APPL2: variants seen among roughly 807,000 people sequenced by gnomAD.
The protein encoded by APPL2 is DCC-interacting protein 13-beta.
In APPL2, 84 loss-of-function variants were observed where a neutral mutation model predicts 92.7. That is an observed-to-expected ratio of 0.91 (90% CI 0.76 to 1.09). APPL2 has a LOEUF of 1.09. Ranked by LOEUF, APPL2 falls within the 50% of genes least tolerant of loss-of-function variation. APPL2 has a pLI of 0.00. For missense variants in APPL2, 736 were observed against 824.5 expected (o/e 0.89, Z 1.31); for synonymous variants, 291 against 291.0 (o/e 1.00, Z 0.00).
intron 2 of APPL2, among the ~76,000 whole-genome samples, chr12:105,225,508 T>G (rs769609121): frequency 2.7e-4 from 41 of 152,246 alleles, no homozygotes; most frequent in Non-Finnish European, 3.8e-4. Flanking sequence ...ATGCAAAATT[T>G]GAGAATTAAC....
Position 105,203,784 on chromosome 12 carries a change from A to G in APPL2, c.623T>C (p.Ile208Thr), listed in dbSNP as rs1888446446. 6.2e-7 allele frequency: 1 copy of G among 1,609,146 alleles called. No individual in the cohort carries two copies. The highest frequency in any genetic ancestry group is 1.1e-5 in the South Asian group (1 of 90,994). ...CTCTGCTCCCTTCTTAAAAAAGTTAATCTGAAAGATATAATTATAATATTC... is the reference window on the plus strand; with the variant it reads ...CTCTGCTCCCTTCTTAAAAAAGTTAGTCTGAAAGATATAATTATAATATTC... Reference protein sequence around the residue: ...EPMIGFAHGQINFFKKGAEMF... With the variant: ...EPMIGFAHGQTNFFKKGAEMF... Residue 208 changes from isoleucine to threonine, a missense_variant and splice_region_variant, in exon 9 of 21, where the codon ATT becomes ACT. Ile to Thr is a moderately conservative substitution (Grantham distance 89, BLOSUM62 -1). Coordinates refer to ENST00000258530, the MANE Select transcript of APPL2 (RefSeq NM_018171.5).
At chr12:105,186,218 T>C (rs1236127490) in intron 17 of APPL2, among the ~76,000 whole-genome samples, 1 of 152,158 alleles carries the variant, frequency 6.6e-6, no homozygotes, top group African/African-American at 2.4e-5. Flanking sequence ...TTTAGAATAC[T>C]TGCATTATAT....
At chr12:105,231,225 C>A (rs1413283989) in intron 1 of APPL2, among the ~76,000 whole-genome samples, 3 of 152,090 alleles carry the variant, frequency 2.0e-5, no homozygotes, top group Non-Finnish European at 4.4e-5. Flanking sequence ...ACTACTATGT[C>A]CATTTAGCCA....
chr12:105,227,719 C>T (rs746368698), intron 2 of APPL2, among the ~76,000 whole-genome samples: 5 of 152,162 alleles, frequency 3.3e-5, no homozygotes, highest in Non-Finnish European at 7.4e-5. Context: ...AGCTTGGCTC[C>T]AGCTGATTTG....
At position 105,212,279 on chromosome 12, in the gene APPL2, C is replaced by A. The variant is rs1207677539; in HGVS notation, c.286-962G>T. 2.0e-5 allele frequency among the ~76,000 whole-genome samples: 3 copies of A among 152,272 alleles called. No individual in the cohort carries two copies. In the East Asian group the frequency reaches 5.8e-4, roughly 29 times the overall value. On this transcript the variant is annotated intron_variant, in intron 4 of 20. Coordinates refer to ENST00000258530, the MANE Select transcript of APPL2 (RefSeq NM_018171.5). Reference sequence around the variant, plus strand: ...GCCCTTGACTCTTTCTCCCCTTCTACCTCAAGGACTGAGTAAATTCTATCT... The same window carrying A: ...GCCCTTGACTCTTTCTCCCCTTCTAACTCAAGGACTGAGTAAATTCTATCT...
At chr12:105,221,876 T>C (rs1221647914) in intron 2 of APPL2, among the ~76,000 whole-genome samples, 1 of 152,240 alleles carries the variant, frequency 6.6e-6, no homozygotes, top group African/African-American at 2.4e-5. Flanking sequence ...TTTATCTTTC[T>C]GTAGCACAGA....
intron 2 of APPL2, among the ~76,000 whole-genome samples, chr12:105,223,290 A>C (rs1325315766): frequency 6.6e-6 from 1 of 152,246 alleles, no homozygotes; most frequent in African/African-American, 2.4e-5. Context: ...TTTCGAATAA[A>C]GACCCAGAGT....
At chr12:105,177,348 C>A in intron 17 of APPL2, 86 bp from the exon 18 acceptor site, 1 of 1,386,704 alleles carries the variant, frequency 7.2e-7, no homozygotes, top group Non-Finnish European at 1.0e-6. Flanking sequence ...AGAATAAATA[C>A]AAATTCCCCG....
At chr12:105,198,722 G>A (rs1592786754) in intron 10 of APPL2, among the ~76,000 whole-genome samples, 1 of 152,186 alleles carries the variant, frequency 6.6e-6, no homozygotes, top group African/African-American at 2.4e-5. Flanking sequence ...TGCCTGGGAG[G>A]GATGACCACA....
intron 4 of APPL2, among the ~76,000 whole-genome samples, chr12:105,213,617 T>C (rs2136032132): frequency 6.6e-6 from 1 of 152,350 alleles, no homozygotes; most frequent in East Asian, 1.9e-4. Context: ...ACTTATAACA[T>C]GGAAGATCTC....
chr12:105,220,677 G>A (rs3751191), intron 2 of APPL2, among the ~76,000 whole-genome samples: 10,090 of 152,226 alleles, frequency 0.066, 400 homozygotes, highest in East Asian at 0.14. Context: ...GGCCACTCAA[G>A]TTCTTCCTCA....
In APPL2 at chr12:105,199,360, G is replaced by C; in HGVS notation, c.863+13C>G. ...CGGATTTCAGAAAAAGAGGCAGACG[G>C]TGGCGTTCTCACTTTCTAAGATTAA... On this transcript the variant is annotated intron_variant, in intron 10 of 20. Coordinates refer to ENST00000258530, the MANE Select transcript of APPL2 (RefSeq NM_018171.5). 3.1e-6 allele frequency: 5 copies of C among 1,605,284 alleles called. No individual in the cohort carries two copies. Among genetic ancestry groups the C allele is most frequent in the Non-Finnish European group, 4.3e-6 (5 of 1,175,862 alleles).
intron 8 of APPL2, among the ~76,000 whole-genome samples, chr12:105,205,819 T>C (rs1291561667): frequency 1.3e-5 from 2 of 152,286 alleles, no homozygotes; most frequent in East Asian, 3.9e-4. Flanking sequence ...AGGGCAACAG[T>C]ATGAGTTACT....
intron 14 of APPL2, among the ~76,000 whole-genome samples, chr12:105,192,683 C>T (rs1887312832): frequency 6.6e-6 from 1 of 152,200 alleles, no homozygotes; most frequent in Admixed American, 6.5e-5. Context: ...GTCTCCTCTT[C>T]ACCCTCCATG....
intron 16 of APPL2, among the ~76,000 whole-genome samples, chr12:105,188,846 A>T (rs1027848717): frequency 6.6e-6 from 1 of 152,174 alleles, no homozygotes. Context: ...TTTTATTTGC[A>T]GGATATAAGA....
At chr12:105,195,525 C>T in intron 12 of APPL2, 24 bp from the exon 13 acceptor site, 1 of 1,614,190 alleles carries the variant, frequency 6.2e-7, no homozygotes, top group South Asian at 1.1e-5. Flanking sequence ...TAAAAAAGAA[C>T]ACTGAATCCC....
chr12:105,210,105 C>G (rs1889088218), intron 5 of APPL2, among the ~76,000 whole-genome samples: 1 of 152,156 alleles, frequency 6.6e-6, no homozygotes, highest in Admixed American at 6.5e-5. Context: ...GGACTACAGG[C>G]ATGCGCCACC....
At chr12:105,232,342 G>T (rs911738151) in intron 1 of APPL2, among the ~76,000 whole-genome samples, 4 of 152,250 alleles carry the variant, frequency 2.6e-5, no homozygotes, top group Non-Finnish European at 5.9e-5. Flanking sequence ...TTACCTTAAA[G>T]AAACTGGGTA....
Position 105,174,057 on chromosome 12 carries a change from T to G in APPL2, c.*257A>C. On this transcript the variant is annotated 3_prime_UTR_variant, in exon 21 of 21. Coordinates refer to ENST00000258530, the MANE Select transcript of APPL2 (RefSeq NM_018171.5). ...AACTTTTGTTCTGAGCGCTGAACAA[T>G]CTAAGAAATTTTAGCGCAATCTAAG... 2.8e-6 allele frequency: 1 copy of G among 360,302 alleles called. No homozygotes were observed. Among genetic ancestry groups the G allele is most frequent in the Non-Finnish European group, 4.9e-6 (1 of 203,692 alleles). 22.3% of individuals were successfully genotyped at this position (360,302 alleles called of 1,614,324 possible).
Sources: allele counts gnomAD v4.1 joint callset (sites outside exome capture counted in the v4.1 genomes callset), GRCh38; gene constraint gnomAD v4.1.1; transcripts MANE v1.5; gene names NCBI Gene and HGNC (gene_info 2026-07-23, HGNC 2026-07-21).